Variants in LINGO2 observed in about 807,000 individuals in gnomAD.
LINGO2 encodes leucine-rich repeat and immunoglobulin-like domain-containing nogo receptor-interacting protein 2.
A neutral mutation model predicts 30.6 loss-of-function variants in LINGO2; 14 were observed. That is an observed-to-expected ratio of 0.46 (90% CI 0.30 to 0.72). The LOEUF is 0.72. Among genes scored for constraint, LINGO2 ranks in the 30% least tolerant of loss-of-function variants. The probability of loss-of-function intolerance (pLI) is 0.07; values close to 1 mark genes in which losing one functional copy is unlikely to be tolerated. For synonymous variants in LINGO2, 317 were observed against 288.5 expected (o/e 1.10, Z -1.00); for missense variants, 729 against 751.7 (o/e 0.97, Z 0.35).
the LINGO2 span, among the ~76,000 whole-genome samples, chr9:29,047,186 T>C: frequency 6.6e-6 from 1 of 151,884 alleles, no homozygotes; most frequent in African/African-American, 2.4e-5. Context: ...CCAACATCTA[T>C]AAGGTACTTA....
intron 4 of LINGO2, among the ~76,000 whole-genome samples, chr9:28,266,509 CA>C (rs1371264948): frequency 6.6e-6 from 1 of 151,938 alleles, no homozygotes. Context: ...TTTGCTTAGA[CA>C]CCCTACAATT....
chr9:28,718,048 T>C, the LINGO2 span, among the ~76,000 whole-genome samples: 7 of 151,772 alleles, frequency 4.6e-5, no homozygotes, highest in East Asian at 1.9e-4. Flanking sequence ...AGGAAGAATA[T>C]AGGCAATGTT....
intron 2 of LINGO2, among the ~76,000 whole-genome samples, chr9:28,468,701 T>G (rs1054528925): frequency 5.9e-5 from 9 of 152,146 alleles, no homozygotes; most frequent in African/African-American, 2.2e-4. Context: ...GCAATCACAG[T>G]TCTACAGTAT....
chr9:28,065,587 C>A (rs1235009158), intron 4 of LINGO2, among the ~76,000 whole-genome samples: 1 of 151,988 alleles, frequency 6.6e-6, no homozygotes, highest in African/African-American at 2.4e-5. Flanking sequence ...AAATATGTAT[C>A]TTCTAAAAGT....
intron 4 of LINGO2, among the ~76,000 whole-genome samples, chr9:28,230,349 G>A (rs1021153322): frequency 6.6e-6 from 1 of 151,856 alleles, no homozygotes; most frequent in Non-Finnish European, 1.5e-5. Flanking sequence ...GCTAGAATCA[G>A]ATGTAATTAC....
chr9:27,991,239 A>T (rs534177771), intron 5 of LINGO2, among the ~76,000 whole-genome samples: 2 of 152,140 alleles, frequency 1.3e-5, no homozygotes, highest in East Asian at 3.9e-4. Context: ...CAACAACAAC[A>T]ACAACAAAGG....
At chr9:27,985,205 A>G (rs1462850037) in intron 5 of LINGO2, among the ~76,000 whole-genome samples, 1 of 151,940 alleles carries the variant, frequency 6.6e-6, no homozygotes, top group East Asian at 1.9e-4. Context: ...CACATCAACC[A>G]TGAGCATCAT....
At chr9:28,020,545 AC>A (rs1823062344) in intron 4 of LINGO2, among the ~76,000 whole-genome samples, 2 of 139,566 alleles carry the variant, frequency 1.4e-5, no homozygotes, top group Non-Finnish European at 3.1e-5. Context: ...ACAAAACAAA[AC>A]AAAACAAAAC....
chr9:28,294,364 A>G (rs1823849612), intron 4 of LINGO2, among the ~76,000 whole-genome samples: 1 of 152,186 alleles, frequency 6.6e-6, no homozygotes, highest in Admixed American at 6.5e-5. Context: ...GGAATTTTAC[A>G]TACTTTTTTC....
the LINGO2 span, among the ~76,000 whole-genome samples, chr9:28,878,994 T>G: frequency 1.3e-5 from 2 of 152,020 alleles, no homozygotes. Context: ...CCAGGGCAAT[T>G]AGGCAGGAGA....
At chr9:29,056,967 A>T in the LINGO2 span, among the ~76,000 whole-genome samples, 1 of 152,010 alleles carries the variant, frequency 6.6e-6, no homozygotes, top group African/African-American at 2.4e-5. Flanking sequence ...TTATACCAGT[A>T]CCATGCTGTT....
the LINGO2 span, among the ~76,000 whole-genome samples, chr9:28,816,341 G>A: frequency 9.2e-5 from 14 of 152,156 alleles, no homozygotes; most frequent in Non-Finnish European, 5.9e-5. Flanking sequence ...CTGAATCAGC[G>A]AGAAAAATGC....
chr9:28,600,639 G>A (rs541976039), intron 1 of LINGO2, among the ~76,000 whole-genome samples: 4 of 151,932 alleles, frequency 2.6e-5, no homozygotes, highest in African/African-American at 7.3e-5. Flanking sequence ...AATATAAATC[G>A]AAGGTCAAAA....
At chr9:29,145,638 C>T in the LINGO2 span, among the ~76,000 whole-genome samples, 1 of 152,104 alleles carries the variant, frequency 6.6e-6, no homozygotes, top group Non-Finnish European at 1.5e-5. Flanking sequence ...AACAATTTTC[C>T]CAACTAAATT....
At chr9:28,941,208 A>T in the LINGO2 span, among the ~76,000 whole-genome samples, 2 of 152,088 alleles carry the variant, frequency 1.3e-5, no homozygotes, top group African/African-American at 4.8e-5. Context: ...AAACTTAGAG[A>T]CTCTGACCAG....
chr9:28,554,636 G>A (rs1822538752), intron 1 of LINGO2, among the ~76,000 whole-genome samples: 1 of 99,520 alleles, frequency 1.0e-5, no homozygotes, highest in Non-Finnish European at 2.0e-5. Flanking sequence ...ACTCAGCTCT[G>A]CACCAAGCAG....
intron 1 of LINGO2, among the ~76,000 whole-genome samples, chr9:28,609,532 C>T (rs1235968984): frequency 6.6e-6 from 1 of 151,676 alleles, no homozygotes; most frequent in Non-Finnish European, 1.5e-5. Context: ...TCTTTTAAAT[C>T]AGAAAAAAAT....
At chr9:29,137,320 T>C in the LINGO2 span, among the ~76,000 whole-genome samples, 2 of 152,156 alleles carry the variant, frequency 1.3e-5, no homozygotes, top group Non-Finnish European at 2.9e-5. Flanking sequence ...CGTTTTTACA[T>C]TTTATAAATC....
intron 4 of LINGO2, among the ~76,000 whole-genome samples, chr9:28,143,678 G>A (rs1211463766): frequency 1.3e-5 from 2 of 151,606 alleles, no homozygotes; most frequent in African/African-American, 4.9e-5. Context: ...GAAAAGAGGT[G>A]TTTAACATAG....
Sources: gnomAD v4.1 joint callset for allele counts (sites outside exome capture counted in the v4.1 genomes callset) on GRCh38, gnomAD v4.1.1 for gene constraint, MANE v1.5 for transcripts, NCBI Gene and HGNC (gene_info 2026-07-23, HGNC 2026-07-21) for gene names.